DYM: variants seen among roughly 807,000 people sequenced by gnomAD.
DYM encodes the protein dyggve-Melchior-Clausen syndrome protein.
DYM carries 78 observed loss-of-function variants against 93.1 expected under a neutral mutation model. That is an observed-to-expected ratio of 0.84 (90% CI 0.70 to 1.01). The LOEUF (loss-of-function observed/expected upper bound fraction) is 1.01. Ranked by LOEUF, DYM falls within the 50% of genes least tolerant of loss-of-function variation. The pLI is 0.00. For missense variants in DYM, 789 were observed against 845.0 expected, an observed-to-expected ratio of 0.93 and a Z score of 0.82; for synonymous variants, 321 against 319.7, an observed-to-expected ratio of 1.00 and a Z score of -0.04.
At chr18:49,455,046 AT>A (rs1473549899) in intron 1 of DYM, among the ~76,000 whole-genome samples, 2 of 152,108 alleles carry the variant, frequency 1.3e-5, no homozygotes, top group Non-Finnish European at 2.9e-5. Context: ...CCACAAAAAA[AT>A]AAAAATAATA....
intron 1 of DYM, among the ~76,000 whole-genome samples, chr18:49,430,906 T>C (rs192875589): frequency 2.0e-5 from 3 of 149,940 alleles, no homozygotes; most frequent in East Asian, 1.9e-4. Context: ...AAAAGAAATA[T>C]GGAGCTAACA....
At chr18:49,251,917 A>C (rs1475138320) in intron 13 of DYM, among the ~76,000 whole-genome samples, 1 of 152,112 alleles carries the variant, frequency 6.6e-6, no homozygotes, top group East Asian at 1.9e-4. Flanking sequence ...TCACGCTGCT[A>C]TAAAGAACTG....
chr18:49,355,678 T>G (rs1045724876), intron 6 of DYM, among the ~76,000 whole-genome samples: 1 of 152,088 alleles, frequency 6.6e-6, no homozygotes, highest in Non-Finnish European at 1.5e-5. Context: ...TGTGTGGGGG[T>G]GGCTTGACAT....
chr18:49,388,660 A>T (rs2068868777), intron 3 of DYM, among the ~76,000 whole-genome samples: 3 of 148,798 alleles, frequency 2.0e-5, no homozygotes, highest in Admixed American at 2.0e-4. Context: ...TCTCCTCAGC[A>T]CATCACTCTA....
chr18:49,232,627 T>TG (rs2093734349), intron 13 of DYM, among the ~76,000 whole-genome samples: 1 of 133,558 alleles, frequency 7.5e-6, no homozygotes, highest in Non-Finnish European at 1.6e-5. Context: ...TTTTTTTTTT[T>TG]GGAAACAGAC....
At chr18:49,092,691 G>T (rs533280176) in intron 17 of DYM, among the ~76,000 whole-genome samples, 1 of 152,144 alleles carries the variant, frequency 6.6e-6, no homozygotes, top group Non-Finnish European at 1.5e-5. Flanking sequence ...AGGTGATATC[G>T]GTGATGATGA....
intron 15 of DYM, among the ~76,000 whole-genome samples, chr18:49,160,354 G>C (rs1039484219): frequency 1.3e-5 from 2 of 152,090 alleles, no homozygotes; most frequent in East Asian, 3.9e-4. Context: ...TGGAACTTGC[G>C]ATTAGCTTTC....
At chr18:49,375,193 GACACACACACAC>G (rs34631271) in intron 5 of DYM, among the ~76,000 whole-genome samples, 6 of 138,002 alleles carry the variant, frequency 4.3e-5, no homozygotes, top group South Asian at 2.3e-4. Context: ...AAGGGGAAAA[GACACACACACAC>G]ACACACACAC....
At chr18:49,333,523 T>C (rs2063456600) in intron 7 of DYM, among the ~76,000 whole-genome samples, 3 of 152,144 alleles carry the variant, frequency 2.0e-5, no homozygotes, top group African/African-American at 7.2e-5. Context: ...GTAATGAAGC[T>C]ACGGGACAGG....
intron 2 of DYM, among the ~76,000 whole-genome samples, chr18:49,420,707 G>A (rs939717818): frequency 1.4e-4 from 22 of 152,082 alleles, no homozygotes; most frequent in African/African-American, 3.9e-4. Flanking sequence ...ACCGTGAACC[G>A]AAGCAGGGCA....
At chr18:49,102,051 A>T (rs1599752763) in intron 16 of DYM, among the ~76,000 whole-genome samples, 1 of 152,218 alleles carries the variant, frequency 6.6e-6, no homozygotes. Flanking sequence ...GCTTGGGTTT[A>T]AATCCCACCT....
intron 11 of DYM, among the ~76,000 whole-genome samples, chr18:49,261,329 TACTC>T (rs1054253434): frequency 2.0e-5 from 3 of 152,190 alleles, no homozygotes; most frequent in African/African-American, 7.2e-5. Flanking sequence ...ATATAACAAA[TACTC>T]ACTACATGGT....
At chr18:49,180,191 T>C (rs1174786515) in intron 14 of DYM, among the ~76,000 whole-genome samples, 2 of 152,142 alleles carry the variant, frequency 1.3e-5, no homozygotes, top group Non-Finnish European at 1.5e-5. Flanking sequence ...TACAAGTCTA[T>C]CTTTGTAAGG....
chr18:49,381,640 G>A (rs1431277243), intron 3 of DYM, among the ~76,000 whole-genome samples: 1 of 152,206 alleles, frequency 6.6e-6, no homozygotes, highest in Non-Finnish European at 1.5e-5. Flanking sequence ...CTGCACATGT[G>A]TGAAATGTGC....
intron 8 of DYM, among the ~76,000 whole-genome samples, chr18:49,314,216 A>C (rs911883199): frequency 7.9e-5 from 12 of 152,244 alleles, no homozygotes; most frequent in Non-Finnish European, 1.5e-4. Context: ...CAAAAAATAC[A>C]GTTTTGCCTA....
intron 14 of DYM, among the ~76,000 whole-genome samples, chr18:49,193,903 C>A (rs1271941323): frequency 1.3e-5 from 2 of 152,194 alleles, no homozygotes; most frequent in Non-Finnish European, 2.9e-5. Context: ...TGTAGCCAAA[C>A]TGAAAAGGAT....
intron 8 of DYM, among the ~76,000 whole-genome samples, chr18:49,317,953 T>A (rs2062144264): frequency 6.6e-6 from 1 of 151,894 alleles, no homozygotes. Context: ...GGGATAGTAG[T>A]TAGGTAACAG....
chr18:49,414,570 T>C (rs553615536), intron 2 of DYM, among the ~76,000 whole-genome samples: 2 of 152,322 alleles, frequency 1.3e-5, no homozygotes, highest in African/African-American at 2.4e-5. Flanking sequence ...GCTGTTCTGC[T>C]ACACGGGCCT....
At chr18:49,204,585 G>A (rs2092369473) in intron 14 of DYM, among the ~76,000 whole-genome samples, 2 of 152,178 alleles carry the variant, frequency 1.3e-5, no homozygotes, top group South Asian at 2.1e-4. Flanking sequence ...AAAATTGGAC[G>A]TGGAACTCTA....
Sources: allele counts gnomAD v4.1 joint callset (sites outside exome capture counted in the v4.1 genomes callset), GRCh38; gene constraint gnomAD v4.1.1; transcripts MANE v1.5; gene names NCBI Gene and HGNC (gene_info 2026-07-23, HGNC 2026-07-21).